PTPRD: variants seen among roughly 807,000 people sequenced by gnomAD.
PTPRD encodes the protein receptor-type tyrosine-protein phosphatase delta.
Under a neutral mutation model 214.5 loss-of-function variants are expected in PTPRD, and 34 were observed. The observed-to-expected ratio is 0.16, with a 90% CI of 0.12 to 0.21. PTPRD has a LOEUF of 0.21. Ranked by LOEUF, PTPRD falls within the 10% of genes least tolerant of loss-of-function variation. The probability of loss-of-function intolerance (pLI) is 1.00; values close to 1 mark genes in which losing one functional copy is unlikely to be tolerated. For synonymous variants in PTPRD, 1,128 were observed against 845.7 expected, an observed-to-expected ratio of 1.33 and a Z score of -5.79; for missense variants, 2,545 against 2,398.7, an observed-to-expected ratio of 1.06 and a Z score of -1.27.
chr9:9,354,262 G>A (rs1332255550), intron 9 of PTPRD, among the ~76,000 whole-genome samples: 1 of 151,736 alleles, frequency 6.6e-6, no homozygotes, highest in Non-Finnish European at 1.5e-5. Context: ...CCTGGGATTT[G>A]TACAGGGACA....
chr9:9,249,299 A>G (rs2099974444), intron 9 of PTPRD, among the ~76,000 whole-genome samples: 1 of 152,038 alleles, frequency 6.6e-6, no homozygotes, highest in Non-Finnish European at 1.5e-5. Context: ...GCTCACCAGA[A>G]TCAGACGCTG....
intron 10 of PTPRD, among the ~76,000 whole-genome samples, chr9:9,112,512 C>G (rs1169017485): frequency 6.6e-6 from 1 of 152,116 alleles, no homozygotes; most frequent in Non-Finnish European, 1.5e-5. Context: ...AGAAAATTCT[C>G]TTTCTTAGAA....
At chr9:10,366,888 A>G (rs1199288332) in intron 2 of PTPRD, among the ~76,000 whole-genome samples, 1 of 152,180 alleles carries the variant, frequency 6.6e-6, no homozygotes, top group Non-Finnish European at 1.5e-5. Flanking sequence ...CTATGAGTAT[A>G]GACTATTAAT....
At chr9:9,286,172 T>A (rs1036708231) in intron 9 of PTPRD, among the ~76,000 whole-genome samples, 1 of 151,898 alleles carries the variant, frequency 6.6e-6, no homozygotes, top group African/African-American at 2.4e-5. Flanking sequence ...TAATAGCCAA[T>A]TAATTCTACT....
chr9:9,729,071 T>C (rs1390209930), intron 7 of PTPRD, among the ~76,000 whole-genome samples: 1 of 152,188 alleles, frequency 6.6e-6, no homozygotes, highest in Non-Finnish European at 1.5e-5. Flanking sequence ...AACGTGGCTC[T>C]AGATTTCAGA....
chr9:10,210,507 G>C (rs934950679), intron 3 of PTPRD, among the ~76,000 whole-genome samples: 2 of 151,780 alleles, frequency 1.3e-5, no homozygotes, highest in African/African-American at 4.8e-5. Flanking sequence ...GTATGGGAAA[G>C]AATGCCAAGG....
intron 5 of PTPRD, among the ~76,000 whole-genome samples, chr9:9,888,165 T>G (rs547709725): frequency 2.2e-4 from 33 of 152,236 alleles, no homozygotes; most frequent in African/African-American, 7.7e-4. Flanking sequence ...TCTTCCCACA[T>G]AGCAAATGGT....
rs994105867 is a variant in PTPRD, at chr9:10,220,905, G to T, written c.-545+120058C>A. On this transcript the variant is annotated intron_variant, in intron 3 of 45. Coordinates refer to ENST00000381196, the MANE Select transcript of PTPRD (RefSeq NM_002839.4). ...AGAAGAGAAGAGAGAAAGCTAAAGG[G>T]CACAAGGAAGAAATGGACAAAAAAT... Among the ~76,000 whole-genome samples, 3 of 151,362 alleles carry T rather than the reference G, an allele frequency of 2.0e-5. No homozygotes were observed. In the East Asian group the frequency reaches 5.8e-4, roughly 29 times the overall value.
chr9:9,398,227 G>T (rs2141223359), intron 8 of PTPRD, among the ~76,000 whole-genome samples: 1 of 151,784 alleles, frequency 6.6e-6, no homozygotes, highest in South Asian at 2.1e-4. Flanking sequence ...CTTCAATAGA[G>T]GTTGTCTTGA....
chr9:10,048,972 G>A (rs905612460), intron 3 of PTPRD, among the ~76,000 whole-genome samples: 7 of 152,192 alleles, frequency 4.6e-5, no homozygotes, highest in East Asian at 1.9e-4. Flanking sequence ...GATTAGGGAG[G>A]AGCCCTGACA....
intron 3 of PTPRD, among the ~76,000 whole-genome samples, chr9:10,182,688 A>G (rs1325302163): frequency 1.3e-5 from 2 of 152,216 alleles, no homozygotes; most frequent in Admixed American, 1.3e-4. Context: ...CTTTATAAAC[A>G]GTAGTTTGGC....
At chr9:10,411,794 A>G (rs1205429884) in intron 2 of PTPRD, among the ~76,000 whole-genome samples, 1 of 151,748 alleles carries the variant, frequency 6.6e-6, no homozygotes, top group Non-Finnish European at 1.5e-5. Context: ...AAAGCTGAAA[A>G]TTATTAGATG....
chr9:8,738,789 C>A (rs892793025), intron 11 of PTPRD, among the ~76,000 whole-genome samples: 2 of 151,518 alleles, frequency 1.3e-5, no homozygotes, highest in African/African-American at 2.4e-5. Flanking sequence ...AAAACAAAAA[C>A]TACTGCTGTC....
chr9:9,894,866 G>C (rs1365926398), intron 5 of PTPRD, among the ~76,000 whole-genome samples: 2 of 151,652 alleles, frequency 1.3e-5, no homozygotes, highest in East Asian at 3.9e-4. Context: ...GTTTCTTTTT[G>C]AGATGTTTCT....
intron 8 of PTPRD, among the ~76,000 whole-genome samples, chr9:9,418,555 T>G (rs1366103899): frequency 6.6e-6 from 1 of 152,050 alleles, no homozygotes; most frequent in South Asian, 2.1e-4. Flanking sequence ...GACCTAGCTA[T>G]TTCGTATCTC....
At chr9:8,691,283 A>C (rs2097794600) in intron 12 of PTPRD, among the ~76,000 whole-genome samples, 1 of 152,050 alleles carries the variant, frequency 6.6e-6, no homozygotes, top group South Asian at 2.1e-4. Flanking sequence ...ATGCGTATCC[A>C]CTATTGGTTT....
intron 7 of PTPRD, among the ~76,000 whole-genome samples, chr9:9,575,645 G>A (rs1289745145): frequency 2.1e-5 from 3 of 143,980 alleles, no homozygotes; most frequent in African/African-American, 5.1e-5. Flanking sequence ...ACTGGAACCC[G>A]GGAGGTGGAG....
chr9:9,825,756 C>A (rs2052590732), intron 5 of PTPRD, among the ~76,000 whole-genome samples: 1 of 151,622 alleles, frequency 6.6e-6, no homozygotes, highest in African/African-American at 2.4e-5. Context: ...ACGTAACTCT[C>A]ATTTTCTTTC....
chr9:10,450,480 T>C (rs1014497693), intron 2 of PTPRD, among the ~76,000 whole-genome samples: 1 of 152,000 alleles, frequency 6.6e-6, no homozygotes, highest in Admixed American at 6.5e-5. Flanking sequence ...TGCACCACGA[T>C]TATTTATTGC....
Sources: gnomAD v4.1 joint callset for allele counts (sites outside exome capture counted in the v4.1 genomes callset) on GRCh38, gnomAD v4.1.1 for gene constraint, MANE v1.5 for transcripts, NCBI Gene and HGNC (gene_info 2026-07-23, HGNC 2026-07-21) for gene names.